RASSF5: variants seen among roughly 807,000 people sequenced by gnomAD.
RASSF5 encodes the protein ras association domain-containing protein 5.
A neutral mutation model predicts 40.5 loss-of-function variants in RASSF5; 25 were observed. That is an observed-to-expected ratio of 0.62 (90% CI 0.45 to 0.86). The LOEUF is 0.86. RASSF5 is among the 40% of genes least tolerant of loss of function. The probability of loss-of-function intolerance (pLI) is 0.00; values close to 1 mark genes in which losing one functional copy is unlikely to be tolerated. For missense variants in RASSF5, 521 were observed against 572.8 expected (o/e 0.91, Z 0.92); for synonymous variants, 246 against 252.4 (o/e 0.97, Z 0.24).
At position 206,560,634 on chromosome 1, in the gene RASSF5, G is replaced by A. The variant is rs1279378240; in HGVS notation, c.579+22341G>A. Among the ~76,000 whole-genome samples, 1 of 152,214 alleles carries A rather than the reference G, an allele frequency of 6.6e-6. No homozygotes were observed. Among genetic ancestry groups the A allele is most frequent in the Non-Finnish European group, 1.5e-5 (1 of 68,032 alleles). On this transcript the variant is annotated intron_variant, in intron 2 of 5. Coordinates refer to ENST00000579436, the MANE Select transcript of RASSF5 (RefSeq NM_182663.4). The surrounding 1 kb of genome is among the most constrained non-coding windows in gnomAD (Gnocchi z 5.1). ...ATTAGATCGTGTTTCTCTGGGTCAGGCATGTCACAAATGGGGCCTGGGGGA... is the reference window on the plus strand; with the variant it reads ...ATTAGATCGTGTTTCTCTGGGTCAGACATGTCACAAATGGGGCCTGGGGGA...
chr1:206,528,913 A>G, intron 1 of RASSF5: 1 of 588,170 alleles, frequency 1.7e-6, no homozygotes. Flanking sequence ...GCATTGCCCA[A>G]GATGCTGAAA....
chr1:206,574,233 G>A (rs376839941), intron 2 of RASSF5, among the ~76,000 whole-genome samples: 54 of 152,332 alleles, frequency 3.5e-4, no homozygotes, highest in South Asian at 1.5e-3. Flanking sequence ...AGGAGTCTGC[G>A]GGAGTGGCCT....
At chr1:206,538,607 A>T (rs1553398991) in intron 2 of RASSF5, among the ~76,000 whole-genome samples, 1 of 152,196 alleles carries the variant, frequency 6.6e-6, no homozygotes, top group Non-Finnish European at 1.5e-5. Context: ...ACGGTCCCTA[A>T]AGGCCTCATA....
chr1:206,518,757 T>C (rs1666828375), intron 1 of RASSF5, among the ~76,000 whole-genome samples: 2 of 152,084 alleles, frequency 1.3e-5, no homozygotes, highest in Admixed American at 6.5e-5. Flanking sequence ...CCAAAGGACA[T>C]GGTCTGCCTG....
Position 206,507,848 on chromosome 1 carries a change from G to T in RASSF5, c.246G>T (p.Pro82=), listed in dbSNP as rs910087100. ...CCCGGGCCTCCCGACCCGCTCGCCCGCTCCGGCCTGGTCTGCAGCAGAGAC... is the reference window on the plus strand; with the variant it reads ...CCCGGGCCTCCCGACCCGCTCGCCCTCTCCGGCCTGGTCTGCAGCAGAGAC... ...PPPRASRPAR[P]LRPGLQQRLR... Residue 82 remains proline, a synonymous_variant, in exon 1 of 6, where the codon CCG becomes CCT. Coordinates refer to ENST00000579436, the MANE Select transcript of RASSF5 (RefSeq NM_182663.4). 4 of 1,456,994 alleles carry T rather than the reference G, an allele frequency of 2.7e-6. No homozygotes were observed. The African/African-American group carries it at 4.4e-5, about 16-fold the overall frequency. 90.3% of individuals were successfully genotyped at this position (1,456,994 alleles called of 1,614,324 possible). A position where few individuals can be genotyped will look rare whatever the true frequency, so the allele number is the denominator to read the frequency against.
chr1:206,515,309 A>G (rs1008273618), intron 1 of RASSF5, among the ~76,000 whole-genome samples: 6 of 152,236 alleles, frequency 3.9e-5, no homozygotes, highest in Non-Finnish European at 4.4e-5. Flanking sequence ...GATTGTCACC[A>G]TGTGCAAATC....
In RASSF5 at chr1:206,507,835, G is replaced by T; in HGVS notation, c.233G>T (p.Arg78Leu). 3 of 1,443,302 alleles carry T rather than the reference G, an allele frequency of 2.1e-6. No individual in the cohort carries two copies. The highest frequency in any genetic ancestry group is 2.7e-6 in the Non-Finnish European group (3 of 1,104,668). The allele number at this position is 1,443,302 out of a possible 1,614,324, so 89.4% of individuals were successfully genotyped here. Reference sequence around the variant, plus strand: ...CTGGAGCCCCCGCCCCGGGCCTCCCGACCCGCTCGCCCGCTCCGGCCTGGT... The same window carrying T: ...CTGGAGCCCCCGCCCCGGGCCTCCCTACCCGCTCGCCCGCTCCGGCCTGGT... ...GNLEPPPRAS[R>L]PARPLRPGLQ... is the part of the protein sequence containing the mutation. The change falls in exon 1 of 6, where the codon CGA becomes CTA. Residue 78 changes from arginine (R) to leucine (L), a missense_variant. This residue lies in a region of RASSF5 where 237 missense variants were observed against 212.0 expected (regional missense o/e 1.12). Transcript: ENST00000579436.
At position 206,588,778 on chromosome 1, in the gene RASSF5, C is replaced by T. The variant is rs1553408308; in HGVS notation, c.*1800C>T. The stretch of plus-strand genomic sequence containing the variant: ...ATCTCATGCTCAGCCTTATCACTTC[C>T]CTCCCTTTAGAAACTCTCTCCCTGC... On this transcript the variant is annotated 3_prime_UTR_variant, in exon 6 of 6. Transcript: ENST00000579436. 1 of 152,688 alleles carries T rather than the reference C, an allele frequency of 6.5e-6. No individual in the cohort carries two copies. The highest frequency in any genetic ancestry group is 2.4e-5 in the African/African-American group (1 of 41,416). The allele number at this position is 152,688 out of a possible 1,614,324, so 9.5% of individuals were successfully genotyped here. A position where few individuals can be genotyped will look rare whatever the true frequency, so the allele number is the denominator to read the frequency against.
At chr1:206,527,921 G>A (rs1053234497) in intron 1 of RASSF5, among the ~76,000 whole-genome samples, 1 of 152,102 alleles carries the variant, frequency 6.6e-6, no homozygotes, top group African/African-American at 2.4e-5. Flanking sequence ...CCTGCTGCTC[G>A]CCAGCTACAA....
intron 1 of RASSF5, chr1:206,529,268 A>G: frequency 9.6e-7 from 1 of 1,037,312 alleles, no homozygotes; most frequent in South Asian, 1.4e-5. Context: ...CTGAGAAGAG[A>G]GCTGCCGGCA....
chr1:206,568,317 C>G (rs1474783122), intron 2 of RASSF5, among the ~76,000 whole-genome samples: 2 of 152,216 alleles, frequency 1.3e-5, no homozygotes, highest in African/African-American at 4.8e-5. Context: ...GTGGGGTTAA[C>G]AGGGCACGCA....
intron 2 of RASSF5, among the ~76,000 whole-genome samples, chr1:206,582,249 G>T (rs1451826211): frequency 1.3e-5 from 2 of 152,196 alleles, no homozygotes; most frequent in Admixed American, 6.5e-5. Flanking sequence ...CAAGGTGAGG[G>T]CCATTGACCT....
At chr1:206,543,388 C>G (rs1462424668) in intron 2 of RASSF5, 4 of 152,204 alleles carry the variant, frequency 2.6e-5, no homozygotes, top group Admixed American at 6.5e-5. Context: ...GAGAGAGCTC[C>G]TGGGATGCTG....
chr1:206,538,067 C>T, intron 1 of RASSF5, 105 bp from the exon 2 acceptor site: 3 of 1,502,864 alleles, frequency 2.0e-6, no homozygotes, highest in Non-Finnish European at 2.8e-6. Context: ...TCCTGCACTG[C>T]TCTTCCCACT....
intron 1 of RASSF5, among the ~76,000 whole-genome samples, chr1:206,532,597 T>C (rs1553398115): frequency 6.6e-6 from 1 of 152,228 alleles, no homozygotes; most frequent in East Asian, 1.9e-4. Flanking sequence ...GTTCAGAGAA[T>C]GCGCATACGT....
chr1:206,541,234 C>T (rs1553399336), intron 2 of RASSF5, among the ~76,000 whole-genome samples: 1 of 152,206 alleles, frequency 6.6e-6, no homozygotes, highest in Admixed American at 6.5e-5. Flanking sequence ...TTATTTTCCT[C>T]CATCCAGAGA....
intron 2 of RASSF5, among the ~76,000 whole-genome samples, chr1:206,541,077 T>C (rs782215089): frequency 6.6e-6 from 1 of 152,080 alleles, no homozygotes; most frequent in Non-Finnish European, 1.5e-5. Context: ...GTATTTTCAG[T>C]AGAGTTGAGG....
At chr1:206,553,541 T>C (rs12026542) in intron 2 of RASSF5, among the ~76,000 whole-genome samples, 45,508 of 152,038 alleles carry the variant, frequency 0.3, 7,044 homozygotes, top group Non-Finnish European at 0.33. Flanking sequence ...ATCTTGACCC[T>C]GTTAAGAGTG....
chr1:206,540,916 CAG>C (rs1406706767), intron 2 of RASSF5, among the ~76,000 whole-genome samples: 1 of 152,000 alleles, frequency 6.6e-6, no homozygotes, highest in African/African-American at 2.4e-5. Flanking sequence ...TTTCCTGAGA[CAG>C]AGTCTCACTC....
Sources: allele counts gnomAD v4.1 joint callset (sites outside exome capture counted in the v4.1 genomes callset), GRCh38; gene constraint gnomAD v4.1.1; regional missense constraint gnomAD v4.1.1; non-coding constraint Gnocchi (gnomAD v3.1); transcripts MANE v1.5; gene names NCBI Gene and HGNC (gene_info 2026-07-23, HGNC 2026-07-21).